CDH10: variants seen among roughly 807,000 people sequenced by gnomAD.
CDH10 encodes the protein cadherin-10.
Under a neutral mutation model 73.1 loss-of-function variants are expected in CDH10, and 30 were observed. The observed-to-expected ratio is 0.41, with a 90% CI of 0.31 to 0.56. The LOEUF (loss-of-function observed/expected upper bound fraction) is 0.56, where lower values mean the gene tolerates loss of function less well. CDH10 is among the 20% of genes least tolerant of loss of function. CDH10 has a pLI of 0.27. For missense variants in CDH10, 815 were observed against 973.7 expected, an observed-to-expected ratio of 0.84 and a Z score of 2.17; for synonymous variants, 345 against 348.2, an observed-to-expected ratio of 0.99 and a Z score of 0.10.
chr5:24,560,168 G>A (rs1744904644), intron 2 of CDH10, among the ~76,000 whole-genome samples: 1 of 151,570 alleles, frequency 6.6e-6, no homozygotes, highest in Non-Finnish European at 1.5e-5. Flanking sequence ...GTTTAAATAA[G>A]ATGATAATGT....
At chr5:24,618,007 A>G (rs1747180972) in intron 1 of CDH10, among the ~76,000 whole-genome samples, 1 of 152,164 alleles carries the variant, frequency 6.6e-6, no homozygotes, top group Admixed American at 6.5e-5. Flanking sequence ...ATCATGTGCA[A>G]TGGCTAAAAG....
At chr5:24,570,870 C>CA (rs145283463) in intron 2 of CDH10, among the ~76,000 whole-genome samples, 66 of 148,348 alleles carry the variant, frequency 4.4e-4, no homozygotes, top group Middle Eastern at 3.4e-3. Context: ...TTTGTTTTTT[C>CA]AAAAAAAAAA....
At chr5:24,506,526 AT>A (rs1277279583) in intron 7 of CDH10, among the ~76,000 whole-genome samples, 1 of 152,204 alleles carries the variant, frequency 6.6e-6, no homozygotes, top group East Asian at 1.9e-4. Flanking sequence ...CCATCTTTCC[AT>A]TTACCACATT....
At chr5:24,557,925 C>T (rs766439329) in intron 2 of CDH10, among the ~76,000 whole-genome samples, 5 of 151,704 alleles carry the variant, frequency 3.3e-5, no homozygotes, top group Non-Finnish European at 5.9e-5. Flanking sequence ...TTTGAGAAAG[C>T]ATTACAGCAG....
At chr5:24,618,286 G>C (rs1747191697) in intron 1 of CDH10, among the ~76,000 whole-genome samples, 1 of 152,144 alleles carries the variant, frequency 6.6e-6, no homozygotes, top group African/African-American at 2.4e-5. Context: ...AGGATAACTT[G>C]TTACGAAGCA....
At chr5:24,538,395 C>G (rs560539154) in intron 2 of CDH10, among the ~76,000 whole-genome samples, 1 of 152,192 alleles carries the variant, frequency 6.6e-6, no homozygotes, top group African/African-American at 2.4e-5. Context: ...TGTGCAGGAA[C>G]AAGGCAATAC....
intron 1 of CDH10, among the ~76,000 whole-genome samples, chr5:24,640,417 G>T (rs1402441970): frequency 6.6e-6 from 1 of 151,488 alleles, no homozygotes; most frequent in Non-Finnish European, 1.5e-5. Flanking sequence ...GTGAAGCAAT[G>T]TTGTATTATA....
At chr5:24,568,930 T>C (rs1172474260) in intron 2 of CDH10, among the ~76,000 whole-genome samples, 1 of 151,924 alleles carries the variant, frequency 6.6e-6, no homozygotes, top group Non-Finnish European at 1.5e-5. Flanking sequence ...GCCAAGATAA[T>C]GAAACCCTGT....
chr5:24,585,238 C>A (rs1468157785), intron 2 of CDH10, among the ~76,000 whole-genome samples: 1 of 152,104 alleles, frequency 6.6e-6, no homozygotes, highest in Non-Finnish European at 1.5e-5. Context: ...CTCATTTGCC[C>A]AGATTATTAC....
intron 2 of CDH10, among the ~76,000 whole-genome samples, chr5:24,558,107 A>C (rs1744827406): frequency 6.6e-6 from 1 of 151,832 alleles, no homozygotes; most frequent in South Asian, 2.1e-4. Context: ...AATGTAGAAT[A>C]ATAAGTACAA....
intron 1 of CDH10, among the ~76,000 whole-genome samples, chr5:24,607,387 G>C (rs1252408302): frequency 6.6e-6 from 1 of 152,058 alleles, no homozygotes; most frequent in East Asian, 1.9e-4. Flanking sequence ...GCACACTTTA[G>C]GGAAACCAAC....
Position 24,498,391 on chromosome 5 carries a change from G to A in CDH10, c.1515+7C>T, listed in dbSNP as rs1170505553. On this transcript the variant is annotated splice_region_variant and intron_variant, in intron 9 of 11. Transcript: ENST00000264463. The stretch of plus-strand genomic sequence containing the variant: ...CTTTCCAGAGTTTTAATCCTGTAGG[G>A]GCTTACCTGCCCTGGTCTGGCATTT... The A allele has an allele frequency of 2.5e-6, 4 of 1,594,942 alleles. No homozygotes were observed. Among genetic ancestry groups the A allele is most frequent in the Non-Finnish European group, 3.4e-6 (4 of 1,165,070 alleles).
chr5:24,529,790 G>A (rs1743663494), intron 5 of CDH10, among the ~76,000 whole-genome samples: 1 of 151,788 alleles, frequency 6.6e-6, no homozygotes, highest in African/African-American at 2.4e-5. Flanking sequence ...CTACATAAAT[G>A]TACATGTTAT....
chr5:24,551,189 T>G (rs2111951754), intron 2 of CDH10, among the ~76,000 whole-genome samples: 1 of 152,304 alleles, frequency 6.6e-6, no homozygotes, highest in Non-Finnish European at 1.5e-5. Context: ...CACTTATTTC[T>G]ACCTCAGCCT....
At chr5:24,509,240 C>T (rs1467835532) in intron 7 of CDH10, among the ~76,000 whole-genome samples, 41 of 85,280 alleles carry the variant, frequency 4.8e-4, no homozygotes, top group East Asian at 7.9e-4. Context: ...CTCCTTTTTC[C>T]TTTTTTTTTT....
At chr5:24,634,357 T>C (rs528057793) in intron 1 of CDH10, among the ~76,000 whole-genome samples, 101 of 152,000 alleles carry the variant, frequency 6.6e-4, no homozygotes, top group African/African-American at 2.4e-3. Context: ...TCAAAGTTTT[T>C]AGCCTTTGTA....
intron 5 of CDH10, among the ~76,000 whole-genome samples, chr5:24,533,928 A>G (rs1579771408): frequency 6.6e-6 from 1 of 152,204 alleles, no homozygotes; most frequent in South Asian, 2.1e-4. Context: ...ACTGTCACAA[A>G]TATATAGGTA....
In CDH10 at chr5:24,504,506, C is replaced by CTGTTTTTTT. The variant is rs1554016940; in HGVS notation, c.1393+605_1393+606insAAAAAAACA. The stretch of plus-strand genomic sequence containing the variant: ...TATTAAATGCTTTTCTCCTATTAAT[C>CTGTTTTTTT]TTTTTTTTTTTTTTTTTTTTTTTTT... On this transcript the variant is annotated intron_variant, in intron 8 of 11. Transcript: ENST00000264463. 5.5e-3 allele frequency among the ~76,000 whole-genome samples: 360 copies of CTGTTTTTTT among 65,162 alleles called. 135 individuals carry two copies. The highest frequency in any genetic ancestry group is 0.014 in the East Asian group (25 of 1,840). 42.7% of individuals were successfully genotyped at this position (65,162 alleles called of 152,430 possible).
rs114813433 is a variant in CDH10 at position 24,539,970 on chromosome 5, C to T, written c.232-2296G>A. ...TTGATATTATCACTAATTTGATGAGCTGTTATGGTTTACAGTAGACAGTTA... is the reference window on the plus strand; with the variant it reads ...TTGATATTATCACTAATTTGATGAGTTGTTATGGTTTACAGTAGACAGTTA... On this transcript the variant is annotated intron_variant, in intron 2 of 11. Transcript: ENST00000264463. 7.3e-3 allele frequency among the ~76,000 whole-genome samples: 1,103 copies of T among 152,098 alleles called. 14 individuals are homozygous for T. Among genetic ancestry groups the T allele is most frequent in the African/African-American group, 0.026 (1,063 of 41,532 alleles).
Sources: allele counts gnomAD v4.1 joint callset (sites outside exome capture counted in the v4.1 genomes callset), GRCh38; gene constraint gnomAD v4.1.1; transcripts MANE v1.5; gene names NCBI Gene and HGNC (gene_info 2026-07-23, HGNC 2026-07-21).